Variants in INF2 observed in about 807,000 individuals in gnomAD.
INF2 encodes inverted formin 2.
A neutral mutation model predicts 123.5 loss-of-function variants in INF2; 43 were observed. The ratio of observed to expected loss-of-function variants is 0.35; its 90% CI spans 0.27 to 0.45. The LOEUF is 0.45. INF2 is among the 20% of genes least tolerant of loss of function. The pLI is 1.00. For synonymous variants in INF2, 851 were observed against 745.0 expected, an observed-to-expected ratio of 1.14 and a Z score of -2.32; for missense variants, 1,453 against 1,682.7, an observed-to-expected ratio of 0.86 and a Z score of 2.39.
At chr14:104,697,869 T>C (rs1402283209) in intron 1 of INF2, among the ~76,000 whole-genome samples, 2 of 151,976 alleles carry the variant, frequency 1.3e-5, no homozygotes, top group African/African-American at 2.4e-5. Flanking sequence ...TGCAGTTCCA[T>C]TGGTGCTGGT....
chr14:104,701,364 AG>A lies in INF2; in HGVS notation c.-1del. Reference sequence around the variant, plus strand: ...CCTGCCCTCTGCCTGCAGCTCGGCAAGATGTCGGTGAAGGAGGGCGCACAGC... The same window carrying A: ...CCTGCCCTCTGCCTGCAGCTCGGCAAATGTCGGTGAAGGAGGGCGCACAGC... On this transcript the variant is annotated 5_prime_UTR_variant, in exon 2 of 23. Transcript: ENST00000392634. 1 of 1,576,778 alleles carries A rather than the reference AG, an allele frequency of 6.3e-7. No homozygotes were observed. The highest frequency in any genetic ancestry group is 8.6e-7 in the Non-Finnish European group (1 of 1,160,160).
chr14:104,689,590 T>TGCCCC, upstream of INF2: 172 of 646,908 alleles, frequency 2.7e-4, no homozygotes, highest in Non-Finnish European at 3.0e-4. Flanking sequence ...CTCCTCTTCC[T>TGCCCC]CCCGCCCGCC....
Position 104,722,432 on chromosome 14 carries a change from C to G in INF2, c.*3639C>G, listed in dbSNP as rs1042082200. ...AAGGGCTCAGAGCTGGTGGCCCCCC[C>G]CAGGCCTTGGCAGCACCTCCTTGTC... On this transcript the variant is annotated 3_prime_UTR_variant, in exon 23 of 23. Coordinates refer to ENST00000392634, the MANE Select transcript of INF2 (RefSeq NM_022489.4). The G allele has an allele frequency of 6.6e-6, 1 of 152,290 alleles. No individual in the cohort carries two copies. Among genetic ancestry groups the G allele is most frequent in the African/African-American group, 2.4e-5 (1 of 41,444 alleles). 9.4% of individuals were successfully genotyped at this position (152,290 alleles called of 1,614,324 possible). A position where few individuals can be genotyped will look rare whatever the true frequency, so the allele number is the denominator to read the frequency against.
chr14:104,698,338 C>T (rs58781996), intron 1 of INF2, among the ~76,000 whole-genome samples: 9 of 152,196 alleles, frequency 5.9e-5, no homozygotes, highest in Non-Finnish European at 1.3e-4. Context: ...ACACCACCCC[C>T]CAGTGAGAAC....
At position 104,720,385 on chromosome 14, in the gene INF2, T is replaced by G. The variant is rs1303217215; in HGVS notation, c.*1592T>G. ...GACGTCTGCGTCGTCCTCGTGTGGA[T>G]GCTGCTGTGGACGTCTGCGTCGTCC... is the stretch of plus-strand genomic sequence containing the variant. On this transcript the variant is annotated 3_prime_UTR_variant, in exon 23 of 23. Coordinates refer to ENST00000392634, the MANE Select transcript of INF2 (RefSeq NM_022489.4). The G allele has an allele frequency of 6.4e-6, 1 of 157,376 alleles. No homozygotes were observed. Among genetic ancestry groups the G allele is most frequent in the Admixed American group, 6.6e-5 (1 of 15,120 alleles). The allele number at this position is 157,376 out of a possible 1,614,324, so 9.7% of individuals were successfully genotyped here. A position where few individuals can be genotyped will look rare whatever the true frequency, so the allele number is the denominator to read the frequency against.
chr14:104,704,808 A>G (rs563151529), intron 5 of INF2: 28 of 152,384 alleles, frequency 1.8e-4, no homozygotes, highest in Admixed American at 1.1e-3. Flanking sequence ...TTAAAAAAGA[A>G]ACTAGGGTTG....
intron 17 of INF2, 108 bp downstream of exon 17, chr14:104,712,661 A>C: frequency 6.4e-7 from 1 of 1,552,344 alleles, no homozygotes; most frequent in Non-Finnish European, 8.8e-7. Context: ...CTGGGGCCCG[A>C]GTTTCCCCAG....
At chr14:104,688,022 G>T (rs1328675383), upstream of INF2, among the ~76,000 whole-genome samples, 1 of 152,264 alleles carries the variant, frequency 6.6e-6, no homozygotes, top group Non-Finnish European at 1.5e-5. Context: ...GAGTGCACCA[G>T]GAGACCCAAA....
At chr14:104,716,144 A>T (rs1218234341) in intron 22 of INF2, 2 of 356,286 alleles carry the variant, frequency 5.6e-6, no homozygotes, top group Non-Finnish European at 1.1e-5. Context: ...CTGTGAGCCC[A>T]GGTCGTGGCG....
intron 22 of INF2, chr14:104,715,729 G>T: frequency 1.9e-6 from 1 of 520,112 alleles, no homozygotes; most frequent in Non-Finnish European, 3.7e-6. Context: ...GGCGCTAACT[G>T]CAGTTCCAGT....
At chr14:104,693,864 T>C (rs1246495382) in intron 1 of INF2, among the ~76,000 whole-genome samples, 2 of 152,200 alleles carry the variant, frequency 1.3e-5, no homozygotes, top group Admixed American at 6.5e-5. Context: ...CCCGGGTCCC[T>C]GTTCCTGCTC....
Position 104,707,658 on chromosome 14 carries a change from C to G in INF2, c.1391C>G (p.Pro464Arg), listed in dbSNP as rs1372258814. ...ACAGCACCCCCGCCCCCACCCCTGCCAGGCCTGGGGGCCATGGCCCCCCCA... is the reference window on the plus strand; with the variant it reads ...ACAGCACCCCCGCCCCCACCCCTGCGAGGCCTGGGGGCCATGGCCCCCCCA... The part of the protein sequence containing the change: ...LPTAPPPPPL[P>R]GLGAMAPPAP... Residue 464 changes from proline (P) to arginine (R), a missense_variant, in exon 8 of 23, where the codon CCA becomes CGA. Transcript: ENST00000392634. The G allele has an allele frequency of 2.9e-6, 3 of 1,041,924 alleles. No individual in the cohort carries two copies. In the Admixed American group the frequency reaches 6.4e-5, roughly 22 times the overall value. The allele number at this position is 1,041,924 out of a possible 1,614,324, so 64.5% of individuals were successfully genotyped here.
At chr14:104,683,194 AG>A (rs1482323878) in intron 1 of INF2, among the ~76,000 whole-genome samples, 4 of 16,874 alleles carry the variant, frequency 2.4e-4, no homozygotes, top group Middle Eastern at 0.043. Context: ...GGGGGAGGGG[AG>A]GGGTGGAGGG....
At chr14:104,708,218 C>A in intron 8 of INF2, 1 of 872,046 alleles carries the variant, frequency 1.1e-6, no homozygotes, top group Non-Finnish European at 1.7e-6. Flanking sequence ...CCTCCACATG[C>A]TCCCGTGAGC....
Position 104,690,314 on chromosome 14 carries a change from C to G in INF2, c.-10+575C>G, listed in dbSNP as rs1888879833. ...TGGGGTAGGATCCAATCCCTGTACGCCCCCAGACCCACCCGTCAACCCTCT... is the reference window on the plus strand; with the variant it reads ...TGGGGTAGGATCCAATCCCTGTACGGCCCCAGACCCACCCGTCAACCCTCT... On this transcript the variant is annotated intron_variant, in intron 1 of 22. Transcript: ENST00000392634. The G allele has an allele frequency of 2.0e-5, 3 of 152,376 alleles. No individual in the cohort carries two copies. In the South Asian group the frequency reaches 6.2e-4, roughly 32 times the overall value. 9.4% of individuals were successfully genotyped at this position (152,376 alleles called of 1,614,324 possible).
At chr14:104,704,124 C>T (rs1889665853) in intron 5 of INF2, 175 bp downstream of exon 5, 3 of 1,467,108 alleles carry the variant, frequency 2.0e-6, no homozygotes, top group Admixed American at 4.7e-5. Flanking sequence ...GGCTAGAATC[C>T]AGCTCACTGT....
Position 104,710,963 on chromosome 14 carries a change from A to G in INF2, c.2266A>G (p.Ile756Val). The G allele has an allele frequency of 6.2e-7, 1 of 1,612,442 alleles. No individual in the cohort carries two copies. The change falls in exon 14 of 23, where the codon ATC becomes GTC. Residue 756 changes from isoleucine to valine, a missense_variant. By Grantham distance (29) the Ile-to-Val change is conservative. Coordinates refer to ENST00000392634, the MANE Select transcript of INF2 (RefSeq NM_022489.4). The part of the protein sequence containing the change: ...ESLLTSRQLP[I>V]FCQLILRIGN... ...CCTGCTCACCAGCCGCCAGCTGCCCATCTTCTGCCAGCTGATCCTGAGAAT... is the reference window on the plus strand; with the variant it reads ...CCTGCTCACCAGCCGCCAGCTGCCCGTCTTCTGCCAGCTGATCCTGAGAAT...
intron 1 of INF2, among the ~76,000 whole-genome samples, chr14:104,695,453 G>T (rs567587691): frequency 3.9e-4 from 59 of 152,180 alleles, no homozygotes; most frequent in African/African-American, 1.3e-3. Flanking sequence ...AGGCCCATTC[G>T]GTGACTGGCG....
intron 6 of INF2, 47 bp downstream of exon 6, chr14:104,706,223 G>A (rs751594102): frequency 6.6e-7 from 1 of 1,521,422 alleles, no homozygotes; most frequent in Non-Finnish European, 8.9e-7. Flanking sequence ...AGGGCAGGCT[G>A]TGGCCCTGAG....
Sources: gnomAD v4.1 joint callset for allele counts (sites outside exome capture counted in the v4.1 genomes callset) on GRCh38, gnomAD v4.1.1 for gene constraint, MANE v1.5 for transcripts, NCBI Gene and HGNC (gene_info 2026-07-23, HGNC 2026-07-21) for gene names.